The following PIK3CD variants were observed in gnomAD, a reference collection of about 807,000 sequenced individuals.
The protein encoded by PIK3CD is phosphatidylinositol 4,5-bisphosphate 3-kinase catalytic subunit delta isoform.
PIK3CD carries 20 observed loss-of-function variants against 122.9 expected under a neutral mutation model. The ratio of observed to expected loss-of-function variants is 0.16; its 90% CI spans 0.11 to 0.24. PIK3CD has a LOEUF of 0.24. PIK3CD is among the 10% of genes least tolerant of loss of function. The pLI is 1.00. For synonymous variants in PIK3CD, 596 were observed against 593.4 expected (o/e 1.00, Z -0.06); for missense variants, 787 against 1,406.3 (o/e 0.56, Z 7.04).
intron 1 of PIK3CD, among the ~76,000 whole-genome samples, chr1:9,675,316 G>C (rs1645486912): frequency 6.7e-6 from 1 of 148,868 alleles, no homozygotes; most frequent in African/African-American, 2.5e-5. Flanking sequence ...AACCTGGGAG[G>C]CGGAGCTTGC....
chr1:9,635,407 G>A, the PIK3CD span, among the ~76,000 whole-genome samples: 23 of 151,864 alleles, frequency 1.5e-4, no homozygotes, highest in East Asian at 3.7e-3. Context: ...CTGCATATCC[G>A]CTCCTCTGAT....
chr1:9,723,443 G>T lies in PIK3CD; in HGVS notation c.2594+151G>T. ...TTGAGGACCAGCCTGTGTCTGGGTT[G>T]GGGTGAGGTAGGTCTCTCTTCCCCA... On this transcript the variant is annotated intron_variant, in intron 20 of 23. Coordinates refer to ENST00000377346, the MANE Select transcript of PIK3CD (RefSeq NM_005026.5). This position sits in a 1 kb window ranked among gnomAD's most constrained non-coding sequence, Gnocchi z 4.9. 1 of 804,952 alleles carries T rather than the reference G, an allele frequency of 1.2e-6. No individual in the cohort carries two copies. Among genetic ancestry groups the T allele is most frequent in the Non-Finnish European group, 2.2e-6 (1 of 464,886 alleles). The allele number at this position is 804,952 out of a possible 1,614,324, so 49.9% of individuals were successfully genotyped here.
chr1:9,687,685 C>T (rs74338407), intron 1 of PIK3CD: 5,199 of 152,336 alleles, frequency 0.034, 130 homozygotes, highest in South Asian at 0.11. Flanking sequence ...TGAGTGCCCA[C>T]CTGGTGCAGG....
In PIK3CD at chr1:9,668,285, G is replaced by T. The variant is rs145769163; in HGVS notation, c.-138+16483G>T. Among the ~76,000 whole-genome samples the T allele has an allele frequency of 3.6e-3, 554 of 152,032 alleles. 5 individuals are homozygous for T. The highest frequency in any genetic ancestry group is 0.022 in the East Asian group (116 of 5,176). ...CTTCCCAGCTGTGTGACTCTGAGGTGCCTACTTAACTTCTCTGATCCTCTA... is the reference window on the plus strand; with the variant it reads ...CTTCCCAGCTGTGTGACTCTGAGGTTCCTACTTAACTTCTCTGATCCTCTA... On this transcript the variant is annotated intron_variant, in intron 1 of 23. Transcript: ENST00000377346.
chr1:9,673,231 C>T (rs1352800203), intron 1 of PIK3CD, among the ~76,000 whole-genome samples: 2 of 151,586 alleles, frequency 1.3e-5, no homozygotes, highest in Non-Finnish European at 1.5e-5. Context: ...CCTAAGTAAG[C>T]AGGGATCACA....
At position 9,699,948 on chromosome 1, in the gene PIK3CD, C is replaced by T. The variant is rs909207970; in HGVS notation, c.-33+8377C>T. Reference sequence around the variant, plus strand: ...CGGAACCCTATTTTGTGGATTTTTGCTGGATCCTTCTCTCACTTGAGCCTC... The same window carrying T: ...CGGAACCCTATTTTGTGGATTTTTGTTGGATCCTTCTCTCACTTGAGCCTC... On this transcript the variant is annotated intron_variant, in intron 2 of 23. Coordinates refer to ENST00000377346, the MANE Select transcript of PIK3CD (RefSeq NM_005026.5). 3.9e-5 allele frequency among the ~76,000 whole-genome samples: 6 copies of T among 152,240 alleles called. No individual in the cohort carries two copies. In the East Asian group the frequency reaches 9.7e-4, roughly 25 times the overall value.
Position 9,716,541 on chromosome 1 carries a change from G to A in PIK3CD, c.702G>A (p.Glu234=). The A allele has an allele frequency of 1.9e-6, 3 of 1,608,438 alleles. No individual in the cohort carries two copies. In the South Asian group the frequency reaches 3.3e-5, roughly 18 times the overall value. The change falls in exon 6 of 24, where the codon GAG becomes GAA. Residue 234 remains glutamate (E), a synonymous_variant. Coordinates refer to ENST00000377346, the MANE Select transcript of PIK3CD (RefSeq NM_005026.5). ...CAGTGTTCCGGCAGCCGCTGGTGGA[G>A]CAGCCGGAAGACTACACGCTGCAGG... ...KATVFRQPLV[E]QPEDYTLQVN... is the part of the protein sequence containing the mutation.
chr1:9,713,752 G>A (rs995901064), intron 3 of PIK3CD, among the ~76,000 whole-genome samples: 5 of 150,286 alleles, frequency 3.3e-5, no homozygotes, highest in Non-Finnish European at 7.4e-5. Context: ...CACCATGCCT[G>A]GCTAATTTTA....
At chr1:9,716,139 G>A in intron 5 of PIK3CD, 61 bp downstream of exon 5, 2 of 1,367,252 alleles carry the variant, frequency 1.5e-6, no homozygotes, top group Non-Finnish European at 2.1e-6. Context: ...CACTTCCTCT[G>A]TGAAACTCCT....
Position 9,723,007 on chromosome 1 carries a change from A to G in PIK3CD, c.2427-118A>G. Reference sequence around the variant, plus strand: ...AGCATCTCTCACCTGCTTTTTAGCAATGTGGGCAGCAGCATCTTCTGTGGC... The same window carrying G: ...AGCATCTCTCACCTGCTTTTTAGCAGTGTGGGCAGCAGCATCTTCTGTGGC... On this transcript the variant is annotated intron_variant, in intron 19 of 23. Coordinates refer to ENST00000377346, the MANE Select transcript of PIK3CD (RefSeq NM_005026.5). The surrounding 1 kb of genome is among the most constrained non-coding windows in gnomAD (Gnocchi z 4.9). 1 of 1,007,660 alleles carries G rather than the reference A, an allele frequency of 9.9e-7. No individual in the cohort carries two copies. The highest frequency in any genetic ancestry group is 1.6e-5 in the African/African-American group (1 of 63,402). The allele number at this position is 1,007,660 out of a possible 1,614,324, so 62.4% of individuals were successfully genotyped here. A position where few individuals can be genotyped will look rare whatever the true frequency, so the allele number is the denominator to read the frequency against.
the PIK3CD span, among the ~76,000 whole-genome samples, chr1:9,629,279 T>C: frequency 6.6e-6 from 1 of 151,684 alleles, no homozygotes; most frequent in Non-Finnish European, 1.5e-5. Flanking sequence ...TGGGGTGCCT[T>C]CCCCCCAGGC....
chr1:9,653,659 AGGTTCTTTT>A lies in PIK3CD; in HGVS notation c.-138+1862_-138+1870del, dbSNP rs552956698. On this transcript the variant is annotated intron_variant, in intron 1 of 23. Transcript: ENST00000377346. ...TGATTGATGTGTTGAGTGGGGCGGAAGGTTCTTTTGGTTGATGAGGCTGCGACCAAACGC... is the reference window on the plus strand; with the variant it reads ...TGATTGATGTGTTGAGTGGGGCGGAAGGTTGATGAGGCTGCGACCAAACGC... The A allele has an allele frequency of 1.5e-3, 733 of 494,212 alleles. 10 individuals carry two copies. The highest frequency in any genetic ancestry group is 9.7e-3 in the Middle Eastern group (12 of 1,242). 30.6% of individuals were successfully genotyped at this position (494,212 alleles called of 1,614,324 possible).
intron 1 of PIK3CD, among the ~76,000 whole-genome samples, chr1:9,677,204 A>G (rs930368707): frequency 6.6e-6 from 1 of 152,170 alleles, no homozygotes; most frequent in Non-Finnish European, 1.5e-5. Flanking sequence ...GCGAACTACC[A>G]CATAGCTGAC....
At chr1:9,692,714 A>T (rs1646250271) in intron 2 of PIK3CD, among the ~76,000 whole-genome samples, 1 of 152,222 alleles carries the variant, frequency 6.6e-6, no homozygotes, top group African/African-American at 2.4e-5. Context: ...TGGGTGACAG[A>T]GTGAGACTCC....
chr1:9,663,894 C>T lies in PIK3CD; in HGVS notation c.-138+12092C>T, dbSNP rs180856092. Among the ~76,000 whole-genome samples, 732 of 152,158 alleles carry T rather than the reference C, an allele frequency of 4.8e-3. 3 individuals are homozygous for T. The highest frequency in any genetic ancestry group is 0.017 in the African/African-American group (712 of 41,518). On this transcript the variant is annotated intron_variant, in intron 1 of 23. Coordinates refer to ENST00000377346, the MANE Select transcript of PIK3CD (RefSeq NM_005026.5). Reference sequence around the variant, plus strand: ...TGATGGTTTCCAGCTTCATCCATGTCCCTACAAAGCACATGAACTCATCCT... The same window carrying T: ...TGATGGTTTCCAGCTTCATCCATGTTCCTACAAAGCACATGAACTCATCCT...
Position 9,661,802 on chromosome 1 carries a change from C to G in PIK3CD, c.-138+10000C>G, listed in dbSNP as rs535901620. 3.9e-5 allele frequency among the ~76,000 whole-genome samples: 6 copies of G among 152,306 alleles called. No homozygotes were observed. The South Asian group carries it at 1.0e-3, about 26-fold the overall frequency. The stretch of plus-strand genomic sequence containing the variant: ...ACGAGGTTAAGAGATCGAGACCATC[C>G]TGGCTAACACGGTGAAACCCTGTCT... On this transcript the variant is annotated intron_variant, in intron 1 of 23. Transcript: ENST00000377346.
At chr1:9,675,132 T>C (rs1645474599) in intron 1 of PIK3CD, among the ~76,000 whole-genome samples, 1 of 151,192 alleles carries the variant, frequency 6.6e-6, no homozygotes, top group Admixed American at 6.6e-5. Flanking sequence ...ACACTTGTAA[T>C]CCCAGCACTT....
intron 1 of PIK3CD, among the ~76,000 whole-genome samples, chr1:9,687,047 T>C (rs892553776): frequency 6.6e-6 from 1 of 152,202 alleles, no homozygotes; most frequent in Non-Finnish European, 1.5e-5. Flanking sequence ...CAAAGAATCT[T>C]GGATTTTTCT....
At chr1:9,688,931 C>A (rs899233542) in intron 1 of PIK3CD, among the ~76,000 whole-genome samples, 6 of 152,258 alleles carry the variant, frequency 3.9e-5, no homozygotes, top group Non-Finnish European at 7.4e-5. Flanking sequence ...TGGATAGATG[C>A]ATTAGTGAAA....
Sources: allele counts gnomAD v4.1 joint callset (sites outside exome capture counted in the v4.1 genomes callset), GRCh38; gene constraint gnomAD v4.1.1; non-coding constraint Gnocchi (gnomAD v3.1); transcripts MANE v1.5; gene names NCBI Gene and HGNC (gene_info 2026-07-23, HGNC 2026-07-21).